Variants in ZNF469 observed in about 807,000 individuals in gnomAD.
ZNF469 encodes the protein zinc finger protein 469.
Under a neutral mutation model 1.0 loss-of-function variants are expected in ZNF469, and 1 was observed. That is an observed-to-expected ratio of 1.00 (90% CI 0.35 to 4.73). The LOEUF (loss-of-function observed/expected upper bound fraction) is 4.73, where lower values mean the gene tolerates loss of function less well. Among genes scored for constraint, ZNF469 ranks in the 30% most tolerant of loss-of-function variants. The pLI, the probability that ZNF469 is intolerant of heterozygous loss-of-function variation, is 0.16. For missense variants in ZNF469, 6,100 were observed against 5,356.3 expected (o/e 1.14, Z -4.33); for synonymous variants, 2,703 against 2,363.4 (o/e 1.14, Z -4.17).
At chr16:88,331,266 T>C in the ZNF469 span, among the ~76,000 whole-genome samples, 6 of 109,752 alleles carry the variant, frequency 5.5e-5, no homozygotes, top group African/African-American at 1.8e-4. Context: ...CACCATCACC[T>C]TCATAGTCAT....
the ZNF469 span, among the ~76,000 whole-genome samples, chr16:88,218,851 T>C: frequency 1.3e-5 from 2 of 149,794 alleles, no homozygotes; most frequent in African/African-American, 5.0e-5. Flanking sequence ...GACGACATGA[T>C]TGTATATCTA....
the ZNF469 span, among the ~76,000 whole-genome samples, chr16:88,266,034 A>G: frequency 2.0e-5 from 3 of 152,210 alleles, no homozygotes. Flanking sequence ...TGCCACCCCT[A>G]AGTGCCAGGC....
At chr16:88,138,394 G>T in the ZNF469 span, among the ~76,000 whole-genome samples, 1 of 152,234 alleles carries the variant, frequency 6.6e-6, no homozygotes, top group African/African-American at 2.4e-5. Flanking sequence ...CCAGCGGGTT[G>T]TCAAGGGATG....
At chr16:88,107,362 C>G in the ZNF469 span, among the ~76,000 whole-genome samples, 1 of 152,246 alleles carries the variant, frequency 6.6e-6, no homozygotes, top group Non-Finnish European at 1.5e-5. Flanking sequence ...CTTCACAAGG[C>G]AGCAGGAAGG....
the ZNF469 span, among the ~76,000 whole-genome samples, chr16:88,369,981 C>T: frequency 6.6e-6 from 1 of 152,222 alleles, no homozygotes; most frequent in Non-Finnish European, 1.5e-5. Context: ...CATTGTTTTC[C>T]TGTTTCAAAA....
At chr16:88,247,179 T>C in the ZNF469 span, among the ~76,000 whole-genome samples, 2 of 150,984 alleles carry the variant, frequency 1.3e-5, no homozygotes, top group South Asian at 4.2e-4. Flanking sequence ...ACTGAGTGAA[T>C]GAGTGAGTGA....
chr16:88,339,937 C>A, the ZNF469 span, among the ~76,000 whole-genome samples: 8 of 150,578 alleles, frequency 5.3e-5, no homozygotes, highest in South Asian at 1.7e-3. Flanking sequence ...GTGTTGGGGA[C>A]GGGCCACCCC....
At chr16:88,354,623 C>T in the ZNF469 span, among the ~76,000 whole-genome samples, 15 of 17,394 alleles carry the variant, frequency 8.6e-4, no homozygotes, top group East Asian at 7.7e-3. Context: ...CGCTTCTCAC[C>T]GCGCCCGGCC....
chr16:88,281,818 G>T, the ZNF469 span, among the ~76,000 whole-genome samples: 185 of 152,208 alleles, frequency 1.2e-3, no homozygotes, highest in Non-Finnish European at 2.3e-3. Flanking sequence ...TTGGCACACA[G>T]GTTGGTGCTG....
At chr16:88,402,536 G>T (rs1048376465) in intron 1 of ZNF469, among the ~76,000 whole-genome samples, 3 of 152,138 alleles carry the variant, frequency 2.0e-5, no homozygotes, top group Non-Finnish European at 2.9e-5. Context: ...GGGACAGTGT[G>T]TCCCTGCAGG....
chr16:88,109,842 C>A, the ZNF469 span, among the ~76,000 whole-genome samples: 2 of 152,148 alleles, frequency 1.3e-5, no homozygotes, highest in African/African-American at 4.8e-5. Context: ...TCTGTGTCCA[C>A]GCTGTCTCCT....
chr16:88,258,022 AC>A, the ZNF469 span, among the ~76,000 whole-genome samples: 6 of 152,370 alleles, frequency 3.9e-5, no homozygotes, highest in East Asian at 1.2e-3. Flanking sequence ...TCTATGAAGT[AC>A]AAGGAAACAC....
At chr16:88,106,954 C>T in the ZNF469 span, among the ~76,000 whole-genome samples, 3 of 152,384 alleles carry the variant, frequency 2.0e-5, no homozygotes, top group South Asian at 6.2e-4. Context: ...AGAAACTGGG[C>T]CCTCACCATG....
Position 88,433,394 on chromosome 16 carries a change from T to A in ZNF469, c.5924T>A (p.Leu1975Gln). 1 of 1,550,256 alleles carries A rather than the reference T, an allele frequency of 6.5e-7. No individual in the cohort carries two copies. The highest frequency in any genetic ancestry group is 8.7e-7 in the Non-Finnish European group (1 of 1,146,936). The change falls in exon 3 of 3, where the codon CTG becomes CAG. Residue 1975 changes from leucine to glutamine, a missense_variant. By Grantham distance (113) the Leu-to-Gln change is moderately radical. Coordinates refer to ENST00000565624, the MANE Select transcript of ZNF469 (RefSeq NM_001367624.2). Reference protein sequence around the residue: ...TTLPAVAGHQLGLEADGHWGL... With the variant: ...TTLPAVAGHQQGLEADGHWGL... ...CTCCCTGCAGTGGCCGGACATCAGC[T>A]GGGGCTGGAGGCAGATGGACATTGG...
the ZNF469 span, among the ~76,000 whole-genome samples, chr16:88,294,284 C>T: frequency 2.6e-5 from 4 of 152,224 alleles, no homozygotes; most frequent in African/African-American, 4.8e-5. Flanking sequence ...AAGGTAGGCT[C>T]GTGCCATCCT....
At chr16:88,386,251 G>A (rs957249822) in intron 1 of ZNF469, among the ~76,000 whole-genome samples, 2 of 152,070 alleles carry the variant, frequency 1.3e-5, no homozygotes, top group Non-Finnish European at 2.9e-5. Context: ...CACTGTGGGC[G>A]GTGGCCATGC....
intron 1 of ZNF469, among the ~76,000 whole-genome samples, chr16:88,402,789 C>G (rs760930058): frequency 6.6e-6 from 1 of 152,222 alleles, no homozygotes; most frequent in Non-Finnish European, 1.5e-5. Context: ...CTGGGTTCAT[C>G]TCCCACTGAA....
the ZNF469 span, among the ~76,000 whole-genome samples, chr16:88,159,824 C>G: frequency 6.6e-6 from 1 of 152,160 alleles, no homozygotes; most frequent in Non-Finnish European, 1.5e-5. Flanking sequence ...GGCAGTGAGG[C>G]TGTCATCCCA....
the ZNF469 span, among the ~76,000 whole-genome samples, chr16:88,230,172 G>A: frequency 6.6e-6 from 1 of 152,238 alleles, no homozygotes; most frequent in Non-Finnish European, 1.5e-5. Flanking sequence ...AAGATTTTGG[G>A]TTCTAGTCCC....
Sources: gnomAD v4.1 joint callset for allele counts (sites outside exome capture counted in the v4.1 genomes callset) on GRCh38, gnomAD v4.1.1 for gene constraint, MANE v1.5 for transcripts, NCBI Gene and HGNC (gene_info 2026-07-23, HGNC 2026-07-21) for gene names.